PDE8B: variants seen among roughly 807,000 people sequenced by gnomAD.
The protein encoded by PDE8B is high affinity cAMP-specific and IBMX-insensitive 3',5'-cyclic phosphodiesterase 8B.
PDE8B carries 26 observed loss-of-function variants against 101.3 expected under a neutral mutation model. That is an observed-to-expected ratio of 0.26 (90% CI 0.19 to 0.36). PDE8B has a LOEUF of 0.36. PDE8B is among the 10% of genes least tolerant of loss of function. The probability of loss-of-function intolerance (pLI) is 1.00; values close to 1 mark genes in which losing one functional copy is unlikely to be tolerated. For synonymous variants in PDE8B, 424 were observed against 429.3 expected, an observed-to-expected ratio of 0.99 and a Z score of 0.15; for missense variants, 810 against 1,163.1, an observed-to-expected ratio of 0.70 and a Z score of 4.42.
At chr5:77,176,006 G>T in the PDE8B span, among the ~76,000 whole-genome samples, 1 of 152,072 alleles carries the variant, frequency 6.6e-6, no homozygotes, top group Non-Finnish European at 1.5e-5. Context: ...AACCAGAATG[G>T]GGTTATCAGT....
chr5:77,161,277 A>G, the PDE8B span, among the ~76,000 whole-genome samples: 769 of 152,302 alleles, frequency 5.0e-3, 7 homozygotes, highest in African/African-American at 0.017. Flanking sequence ...CTTGGATTTC[A>G]TATAAATGAA....
upstream of PDE8B, among the ~76,000 whole-genome samples, chr5:77,208,358 G>A (rs1244759511): frequency 6.6e-6 from 1 of 152,180 alleles, no homozygotes; most frequent in Non-Finnish European, 1.5e-5. Flanking sequence ...GTCATTGATA[G>A]CTCCATGAAA....
At chr5:77,376,911 C>CTCTCTCAT (rs1289306024) in intron 10 of PDE8B, among the ~76,000 whole-genome samples, 6 of 152,092 alleles carry the variant, frequency 3.9e-5, no homozygotes, top group African/African-American at 1.4e-4. Flanking sequence ...AATGTTGGAT[C>CTCTCTCAT]TCTCTCATTC....
At chr5:77,365,836 T>C (rs1581261554) in intron 10 of PDE8B, among the ~76,000 whole-genome samples, 1 of 152,168 alleles carries the variant, frequency 6.6e-6, no homozygotes, top group Non-Finnish European at 1.5e-5. Context: ...GCACTTAGCA[T>C]GAAGCCTGGT....
At position 77,344,866 on chromosome 5, in the gene PDE8B, G is replaced by C. The variant is rs1275999165; in HGVS notation, c.811G>C (p.Val271Leu). 4.4e-6 allele frequency: 7 copies of C among 1,603,528 alleles called. No homozygotes were observed. The highest frequency in any genetic ancestry group is 1.7e-5 in the Admixed American group (1 of 59,996). The stretch of plus-strand genomic sequence containing the variant: ...TATAACTTTCAGGGCCTGTAATTCA[G>C]TGTTTACAGCATTAGATCACTGTCA... ...SQFKLRACNS[V>L]FTALDHCHEA... The change falls in exon 7 of 22, where the codon GTG (valine) becomes CTG (leucine). Residue 271 changes from valine to leucine, a missense_variant. Coordinates refer to ENST00000264917, the MANE Select transcript of PDE8B (RefSeq NM_003719.5).
rs753741814 is a variant in PDE8B, at chr5:77,419,894, A to G, written c.2250+7A>G. 1 of 1,613,876 alleles carries G rather than the reference A, an allele frequency of 6.2e-7. No individual in the cohort carries two copies. Among genetic ancestry groups the G allele is most frequent in the Non-Finnish European group, 8.5e-7 (1 of 1,179,856 alleles). Reference sequence around the variant, plus strand: ...CAAGCCAATGGCAGCTGAGGTGAGTACTGCTTTCCATGCCATAAGGCACAT... The same window carrying G: ...CAAGCCAATGGCAGCTGAGGTGAGTGCTGCTTTCCATGCCATAAGGCACAT... On this transcript the variant is annotated splice_region_variant and intron_variant, in intron 19 of 21. Transcript: ENST00000264917.
chr5:77,332,707 C>T (rs1183564004), intron 5 of PDE8B, among the ~76,000 whole-genome samples: 1 of 152,000 alleles, frequency 6.6e-6, no homozygotes, highest in Non-Finnish European at 1.5e-5. Flanking sequence ...CGTGGTGGCA[C>T]ATGCCTATAA....
intron 1 of PDE8B, among the ~76,000 whole-genome samples, chr5:77,311,190 G>A (rs1213110251): frequency 2.6e-5 from 4 of 152,166 alleles, no homozygotes; most frequent in Non-Finnish European, 2.9e-5. Context: ...GGTCAAGACC[G>A]TCAACCAAAT....
chr5:77,140,409 C>T, the PDE8B span: 1 of 152,042 alleles, frequency 6.6e-6, no homozygotes, highest in Non-Finnish European at 1.5e-5. Context: ...GTTAAAATCC[C>T]AAGGGTGTTA....
chr5:77,192,845 T>C, the PDE8B span, among the ~76,000 whole-genome samples: 1 of 152,186 alleles, frequency 6.6e-6, no homozygotes, highest in Non-Finnish European at 1.5e-5. Flanking sequence ...TAACACTTGG[T>C]ATTGTCAGTC....
At chr5:77,410,122 C>G (rs1159700655) in intron 14 of PDE8B, among the ~76,000 whole-genome samples, 1 of 152,266 alleles carries the variant, frequency 6.6e-6, no homozygotes, top group Admixed American at 6.5e-5. Context: ...GGTTCTTGGC[C>G]TCGCCCAGGA....
chr5:77,217,134 T>C (rs1749935927), intron 1 of PDE8B, among the ~76,000 whole-genome samples: 1 of 152,192 alleles, frequency 6.6e-6, no homozygotes, highest in Non-Finnish European at 1.5e-5. Flanking sequence ...TATCCTTCTC[T>C]TCAGTTCATT....
At chr5:77,089,727 A>G in the PDE8B span, among the ~76,000 whole-genome samples, 1 of 152,242 alleles carries the variant, frequency 6.6e-6, no homozygotes, top group Non-Finnish European at 1.5e-5. Flanking sequence ...CCATTATGGA[A>G]AACAGTATGG....
At position 77,419,767 on chromosome 5, in the gene PDE8B, G is replaced by T; in HGVS notation, c.2130G>T (p.Arg710Ser). The stretch of plus-strand genomic sequence containing the variant: ...CCCCTTTGTCTTGTGGTTATTTTAG[G>T]AACCATTATCGAACGCTGCGCCAGG... ...TKCNIFKNID[R>S]NHYRTLRQAI... The change falls in exon 19 of 22, where the codon AGG becomes AGT. Residue 710 changes from arginine to serine, a missense_variant and splice_region_variant. By Grantham distance (110) the Arg-to-Ser change is moderately radical. Around this residue, in one of 4 missense-constraint regions of PDE8B, gnomAD observed 325 missense variants for 560.9 expected, o/e 0.58. Coordinates refer to ENST00000264917, the MANE Select transcript of PDE8B (RefSeq NM_003719.5). 6.2e-7 allele frequency: 1 copy of T among 1,613,896 alleles called. No individual in the cohort carries two copies. The highest frequency in any genetic ancestry group is 8.5e-7 in the Non-Finnish European group (1 of 1,179,894).
At chr5:77,200,787 A>G in the PDE8B span, among the ~76,000 whole-genome samples, 1 of 152,188 alleles carries the variant, frequency 6.6e-6, no homozygotes, top group Non-Finnish European at 1.5e-5. Flanking sequence ...GTACCCTGGA[A>G]AGCTCTCTCA....
rs1435302101 is a variant in PDE8B, at chr5:77,327,372, G to A, written c.591-1626G>A. ...GAGAGAAAAGAGACAGCAGCAGGAA[G>A]CAACCCAAAAGATGGAAGCCAGTCC... On this transcript the variant is annotated intron_variant, in intron 3 of 21. Transcript: ENST00000264917. 4.6e-5 allele frequency among the ~76,000 whole-genome samples: 7 copies of A among 152,292 alleles called. No homozygotes were observed. The East Asian group carries it at 1.4e-3, about 29-fold the overall frequency.
intron 1 of PDE8B, among the ~76,000 whole-genome samples, chr5:77,264,518 T>C (rs1424121765): frequency 6.6e-6 from 1 of 152,156 alleles, no homozygotes; most frequent in Non-Finnish European, 1.5e-5. Context: ...GAACCAGTAA[T>C]CAAATATCCT....
the PDE8B span, among the ~76,000 whole-genome samples, chr5:77,116,684 T>C: frequency 3.3e-5 from 5 of 152,226 alleles, no homozygotes; most frequent in South Asian, 2.1e-4. Context: ...AATGTAAGCC[T>C]GTACAGCCCA....
the PDE8B span, among the ~76,000 whole-genome samples, chr5:77,151,053 A>G: frequency 2.0e-3 from 300 of 152,346 alleles, 1 homozygote; most frequent in African/African-American, 6.5e-3. Context: ...ATGTTCATCA[A>G]TGCTGTTTTC....
Sources: gnomAD v4.1 joint callset for allele counts (sites outside exome capture counted in the v4.1 genomes callset) on GRCh38, gnomAD v4.1.1 for gene constraint, gnomAD v4.1.1 regional missense constraint, MANE v1.5 for transcripts, NCBI Gene and HGNC (gene_info 2026-07-23, HGNC 2026-07-21) for gene names.